Variants in MAGI2 observed in about 807,000 individuals in gnomAD.
MAGI2 encodes membrane-associated guanylate kinase, WW and PDZ domain-containing protein 2.
In MAGI2, 35 loss-of-function variants were observed where a neutral mutation model predicts 133.3. The observed-to-expected ratio is 0.26, with a 90% CI of 0.20 to 0.35. The LOEUF is 0.35. MAGI2 is among the 10% of genes least tolerant of loss of function. The probability of loss-of-function intolerance (pLI) is 1.00; values close to 1 mark genes in which losing one functional copy is unlikely to be tolerated. For missense variants in MAGI2, 1,636 were observed against 1,863.4 expected, an observed-to-expected ratio of 0.88 and a Z score of 2.25; for synonymous variants, 729 against 710.6, an observed-to-expected ratio of 1.03 and a Z score of -0.41.
At chr7:78,959,097 CTTTTTTA>C (rs1802641524) in intron 2 of MAGI2, among the ~76,000 whole-genome samples, 1 of 152,020 alleles carries the variant, frequency 6.6e-6, no homozygotes. Flanking sequence ...CTGGAATCCT[CTTTTTTA>C]TTTTTTAATA....
intron 1 of MAGI2, among the ~76,000 whole-genome samples, chr7:79,096,516 T>TTA (rs2129542888): frequency 6.6e-6 from 1 of 152,312 alleles, no homozygotes; most frequent in Non-Finnish European, 1.5e-5. Flanking sequence ...TTCTTTTAAC[T>TTA]CTAAATTACT....
chr7:78,441,456 C>T (rs1787623538), intron 6 of MAGI2, among the ~76,000 whole-genome samples: 1 of 152,134 alleles, frequency 6.6e-6, no homozygotes, highest in African/African-American at 2.4e-5. Context: ...CAGCCATTAA[C>T]AGATGGCAAT....
intron 6 of MAGI2, among the ~76,000 whole-genome samples, chr7:78,434,440 G>C (rs1181373375): frequency 6.6e-6 from 1 of 152,192 alleles, no homozygotes; most frequent in Non-Finnish European, 1.5e-5. Context: ...TAAAGAGATG[G>C]ATGGAAACAG....
chr7:78,242,404 G>A (rs1472256312), intron 10 of MAGI2, among the ~76,000 whole-genome samples: 1 of 152,066 alleles, frequency 6.6e-6, no homozygotes, highest in East Asian at 1.9e-4. Context: ...TGCAACTTAT[G>A]TGAGTGAGAA....
At position 79,215,464 on chromosome 7, in the gene MAGI2, A is replaced by T. The variant is rs763679723; in HGVS notation, c.302-208258T>A. On this transcript the variant is annotated intron_variant, in intron 1 of 21. Coordinates refer to ENST00000354212, the MANE Select transcript of MAGI2 (RefSeq NM_012301.4). ...ACATTTACCATCTATTCTCTCTGAA[A>T]CCTTCTTCGGGGAGGCTTGATGTGC... 2.6e-5 allele frequency among the ~76,000 whole-genome samples: 4 copies of T among 151,894 alleles called. No individual in the cohort carries two copies. The South Asian group carries it at 8.3e-4, about 32-fold the overall frequency.
At chr7:79,069,460 C>T (rs10266707) in intron 1 of MAGI2, among the ~76,000 whole-genome samples, 5,494 of 152,096 alleles carry the variant, frequency 0.036, 311 homozygotes, top group African/African-American at 0.12. Flanking sequence ...GTAAATATTC[C>T]TCCATCCTTT....
At chr7:78,604,982 A>T (rs1166580360) in intron 3 of MAGI2, among the ~76,000 whole-genome samples, 1 of 152,178 alleles carries the variant, frequency 6.6e-6, no homozygotes, top group Non-Finnish European at 1.5e-5. Context: ...GGAAAACAAG[A>T]TTACCTCCAT....
chr7:79,132,119 A>G (rs749184587), intron 1 of MAGI2, among the ~76,000 whole-genome samples: 10 of 152,156 alleles, frequency 6.6e-5, no homozygotes, highest in Non-Finnish European at 1.2e-4. Flanking sequence ...ATCTTGCTGA[A>G]GGTAGATCAC....
intron 3 of MAGI2, among the ~76,000 whole-genome samples, chr7:78,589,564 T>C (rs1230829118): frequency 6.6e-6 from 1 of 152,196 alleles, no homozygotes; most frequent in Admixed American, 6.5e-5. Flanking sequence ...GAATCTGCTT[T>C]CCGACCCTAA....
At chr7:78,750,058 T>C (rs1047352626) in intron 2 of MAGI2, among the ~76,000 whole-genome samples, 1 of 152,120 alleles carries the variant, frequency 6.6e-6, no homozygotes, top group African/African-American at 2.4e-5. Context: ...CAGGCCCTGG[T>C]ATGTGATGTT....
rs113762722 is a variant in MAGI2 at position 79,205,756 on chromosome 7, G to GGTGTGTGTGT, written c.302-198560_302-198551dup. On this transcript the variant is annotated intron_variant, in intron 1 of 21. Transcript: ENST00000354212. ...CAAGAGTGGAGGAAAAATGTAGAGG[G>GGTGTGTGTGT]GTGTGTGTGTGTGTGTGTGTGTAAT... Among the ~76,000 whole-genome samples, 4 of 147,984 alleles carry GGTGTGTGTGT rather than the reference G, an allele frequency of 2.7e-5. No homozygotes were observed. The East Asian group carries it at 5.9e-4, about 22-fold the overall frequency.
chr7:79,027,001 A>G (rs1193736352), intron 1 of MAGI2, among the ~76,000 whole-genome samples: 1 of 152,280 alleles, frequency 6.6e-6, no homozygotes, highest in Middle Eastern at 3.4e-3. Flanking sequence ...CAAAATTAAA[A>G]CCACAATGAA....
In MAGI2 at chr7:79,073,116, C is replaced by G. The variant is rs531753095; in HGVS notation, c.302-65910G>C. Among the ~76,000 whole-genome samples, 4 of 152,238 alleles carry G rather than the reference C, an allele frequency of 2.6e-5. No individual in the cohort carries two copies. In the East Asian group the frequency reaches 7.7e-4, roughly 29 times the overall value. On this transcript the variant is annotated intron_variant, in intron 1 of 21. Transcript: ENST00000354212. ...AGAGCTTGCTTATGTCATCTAAAAT[C>G]TTATAAGCACCATGCATTTGTCTTC...
chr7:78,019,648 C>T lies in MAGI2; in HGVS notation c.4035G>A (p.Ser1345=). ...QGRPEAGRPA[S]EARAPGLAAA... ...CCGCGAGCCCGGGCGCCCTGGCCTC[C>T]GAGGCGGGCCTGCCGGCCTCGGGCC... Residue 1345 remains serine, a synonymous_variant, in exon 22 of 22, where the codon TCG becomes TCA. Coordinates refer to ENST00000354212, the MANE Select transcript of MAGI2 (RefSeq NM_012301.4). 8.9e-7 allele frequency: 1 copy of T among 1,123,486 alleles called. No homozygotes were observed. Among genetic ancestry groups the T allele is most frequent in the Non-Finnish European group, 1.1e-6 (1 of 921,610 alleles). The allele number at this position is 1,123,486 out of a possible 1,614,324, so 69.6% of individuals were successfully genotyped here.
chr7:79,432,486 T>G (rs1189851865), intron 1 of MAGI2, among the ~76,000 whole-genome samples: 1 of 152,208 alleles, frequency 6.6e-6, no homozygotes, highest in South Asian at 2.1e-4. Context: ...GGCAGAAGAA[T>G]TCTGAAGGTG....
At chr7:78,080,872 C>T (rs181192243) in intron 20 of MAGI2, among the ~76,000 whole-genome samples, 1 of 152,326 alleles carries the variant, frequency 6.6e-6, no homozygotes, top group Admixed American at 6.5e-5. Flanking sequence ...AACTTCTCTG[C>T]ATCTGTCCCT....
intron 2 of MAGI2, among the ~76,000 whole-genome samples, chr7:78,692,634 A>C (rs772218022): frequency 7.2e-5 from 11 of 152,196 alleles, no homozygotes; most frequent in Non-Finnish European, 1.5e-4. Flanking sequence ...CATAATACAA[A>C]TCTAGCTTCC....
At chr7:78,265,558 A>G (rs544019536) in intron 9 of MAGI2, among the ~76,000 whole-genome samples, 2 of 152,344 alleles carry the variant, frequency 1.3e-5, no homozygotes, top group African/African-American at 4.8e-5. Flanking sequence ...GATTTTCAAG[A>G]AGAAATCTTA....
intron 1 of MAGI2, among the ~76,000 whole-genome samples, chr7:79,059,856 C>G (rs1813539530): frequency 6.6e-6 from 1 of 152,110 alleles, no homozygotes; most frequent in African/African-American, 2.4e-5. Context: ...GTTGCTCCTT[C>G]TGCACTCTGA....
Sources: allele counts gnomAD v4.1 joint callset (sites outside exome capture counted in the v4.1 genomes callset), GRCh38; gene constraint gnomAD v4.1.1; transcripts MANE v1.5; gene names NCBI Gene and HGNC (gene_info 2026-07-23, HGNC 2026-07-21).